Variants in VSIG10L observed in about 807,000 individuals in gnomAD.
VSIG10L encodes the protein V-set and immunoglobulin domain containing 10 like, also known as V-set and immunoglobulin domain-containing protein 10-like.
VSIG10L carries 63 observed loss-of-function variants against 67.3 expected under a neutral mutation model. That is an observed-to-expected ratio of 0.94 (90% CI 0.76 to 1.15). VSIG10L has a LOEUF of 1.15. Among genes scored for constraint, VSIG10L ranks in the 50% most tolerant of loss-of-function variants. VSIG10L has a pLI of 0.00. For synonymous variants in VSIG10L, 499 were observed against 524.9 expected (o/e 0.95, Z 0.67); for missense variants, 1,050 against 1,177.5 (o/e 0.89, Z 1.58).
In VSIG10L at chr19:51,337,229, C is replaced by A. The variant is rs1430954207; in HGVS notation, c.2305+9G>T. On this transcript the variant is annotated intron_variant, in intron 7 of 9. Coordinates refer to ENST00000335624, the MANE Select transcript of VSIG10L (RefSeq NM_001163922.3). ...ACAGAGAAGGTCTACTCTGACAGCC[C>A]CAACTCACCGGCCCGGTAGACCCGG... 3 of 1,541,214 alleles carry A rather than the reference C, an allele frequency of 1.9e-6. No homozygotes were observed. The highest frequency in any genetic ancestry group is 2.4e-5 in the South Asian group (2 of 83,156).
At chr19:51,337,092 T>C in intron 7 of VSIG10L, 146 bp downstream of exon 7, 1 of 1,117,326 alleles carries the variant, frequency 8.9e-7, no homozygotes. Flanking sequence ...ACTTCTGACC[T>C]CCAGACCTGT....
chr19:51,338,220 AG>A lies in VSIG10L; in HGVS notation c.1730-13del, dbSNP rs1466295928. On this transcript the variant is annotated splice_polypyrimidine_tract_variant and intron_variant, in intron 5 of 9. Transcript: ENST00000335624. ...CTCTCGGGGGGCCTCTGCCGGTGGG[AG>A]AAGTCCAGTTAAGAAAGTCAAGACC... 1.5e-5 allele frequency: 22 copies of A among 1,459,296 alleles called. No homozygotes were observed. The highest frequency in any genetic ancestry group is 5.6e-5 in the Admixed American group (2 of 35,486). 90.4% of individuals were successfully genotyped at this position (1,459,296 alleles called of 1,614,324 possible).
intron 7 of VSIG10L, among the ~76,000 whole-genome samples, chr19:51,336,763 ATT>A (rs942291893): frequency 8.2e-5 from 8 of 97,064 alleles, no homozygotes; most frequent in Non-Finnish European, 9.7e-5. Flanking sequence ...CGACACCTTG[ATT>A]TTTTTTTTTT....
chr19:51,336,924 G>A (rs1454638587), intron 7 of VSIG10L, among the ~76,000 whole-genome samples: 4 of 151,992 alleles, frequency 2.6e-5, no homozygotes, highest in South Asian at 4.2e-4. Context: ...CCGCCACCGC[G>A]CCAGGCTAAT....
chr19:51,340,191 C>G lies in VSIG10L; in HGVS notation c.1298G>C (p.Arg433Pro), dbSNP rs1053667707. 12 of 1,447,146 alleles carry G rather than the reference C, an allele frequency of 8.3e-6. No individual in the cohort carries two copies. In the African/African-American group the frequency reaches 1.6e-4, roughly 20 times the overall value. The allele number at this position is 1,447,146 out of a possible 1,614,324, so 89.6% of individuals were successfully genotyped here. The change falls in exon 4 of 10, where the codon CGG becomes CCG. Residue 433 changes from arginine (R) to proline (P), a missense_variant. Around this residue, in one of 3 missense-constraint regions of VSIG10L, gnomAD observed 10 missense variants for 34.7 expected, o/e 0.29. Coordinates refer to ENST00000335624, the MANE Select transcript of VSIG10L (RefSeq NM_001163922.3). The surrounding 1 kb of genome is among the most constrained non-coding windows in gnomAD (Gnocchi z 6.3). ...NVTLRCAAAS[R>P]PPADITWSLA... ...GCTCCACGTGATGTCGGCGGGCGGC[C>G]GCGAGGCGGCGGCGCAGCGCAAGGT...
At chr19:51,334,902 G>A (rs1162421915) in intron 7 of VSIG10L, among the ~76,000 whole-genome samples, 2 of 152,196 alleles carry the variant, frequency 1.3e-5, no homozygotes, top group Non-Finnish European at 2.9e-5. Flanking sequence ...TCGTGCCACT[G>A]CACTCCAGCC....
At position 51,339,061 on chromosome 19, in the gene VSIG10L, C is replaced by T. The variant is rs1985558563; in HGVS notation, c.1556G>A (p.Gly519Asp). The T allele has an allele frequency of 7.5e-6, 10 of 1,338,780 alleles. No homozygotes were observed. The highest frequency in any genetic ancestry group is 3.9e-5 in the Admixed American group (1 of 25,504). 82.9% of individuals were successfully genotyped at this position (1,338,780 alleles called of 1,614,324 possible). ...CTGCAGGGAGGCAGCAGGGGCCCCGCCGGGCCACGAGCAGCGGAAGCGGAG... is the reference window on the plus strand; with the variant it reads ...CTGCAGGGAGGCAGCAGGGGCCCCGTCGGGCCACGAGCAGCGGAAGCGGAG... ...RSLRFRCSWPGGAPAASLQFQ... is the reference protein window; with the variant it reads ...RSLRFRCSWPDGAPAASLQFQ... The change falls in exon 5 of 10, where the codon GGC (glycine) becomes GAC (aspartate). Residue 519 changes from glycine to aspartate, a missense_variant. Coordinates refer to ENST00000335624, the MANE Select transcript of VSIG10L (RefSeq NM_001163922.3).
chr19:51,338,302 A>G, intron 5 of VSIG10L, 94 bp from the exon 6 acceptor site: 4 of 1,374,956 alleles, frequency 2.9e-6, no homozygotes, highest in Non-Finnish European at 3.8e-6. Context: ...GATGGTGGTA[A>G]GCCCCCACGC....
intron 8 of VSIG10L, 33 bp from the exon 9 acceptor site, chr19:51,333,978 G>C: frequency 6.4e-7 from 1 of 1,550,538 alleles, no homozygotes; most frequent in Admixed American, 2.0e-5. Flanking sequence ...GCAGGAACAC[G>C]TGATTGGCTG....
rs1985560312 is a variant in VSIG10L at position 51,339,111 on chromosome 19, A to C, written c.1506T>G (p.Val502=). 1 of 1,338,442 alleles carries C rather than the reference A, an allele frequency of 7.5e-7. No individual in the cohort carries two copies. The highest frequency in any genetic ancestry group is 9.6e-7 in the Non-Finnish European group (1 of 1,037,648). 82.9% of individuals were successfully genotyped at this position (1,338,442 alleles called of 1,614,324 possible). A position where few individuals can be genotyped will look rare whatever the true frequency, so the allele number is the denominator to read the frequency against. Residue 502 remains valine, a synonymous_variant, in exon 5 of 10, where the codon GTT becomes GTG. Transcript: ENST00000335624. The part of the protein sequence containing the change: ...DLPPGAPQCS[V]EGGPGDRSLR... ...GGCTGCGGTCCCCGGGACCCCCTTC[A>C]ACTGAGCACTGTGGGGCCCCGGGGG...
At position 51,333,606 on chromosome 19, in the gene VSIG10L, A is replaced by G. The variant is rs375163395; in HGVS notation, c.2574+185T>C. On this transcript the variant is annotated intron_variant, in intron 9 of 9. Coordinates refer to ENST00000335624, the MANE Select transcript of VSIG10L (RefSeq NM_001163922.3). Reference sequence around the variant, plus strand: ...AACTGGAATTCACTCTTATTTTAATATACATCAAAGTTGGGCGGGAAGCTC... The same window carrying G: ...AACTGGAATTCACTCTTATTTTAATGTACATCAAAGTTGGGCGGGAAGCTC... 2.0e-5 allele frequency among the ~76,000 whole-genome samples: 3 copies of G among 152,314 alleles called. No individual in the cohort carries two copies. In the East Asian group the frequency reaches 5.8e-4, roughly 29 times the overall value.
intron 8 of VSIG10L, 61 bp downstream of exon 8, chr19:51,334,130 C>T: frequency 1.3e-6 from 2 of 1,527,418 alleles, no homozygotes; most frequent in Non-Finnish European, 1.8e-6. Context: ...CTTCCATAGG[C>T]CTCTTTCTAG....
intron 7 of VSIG10L, among the ~76,000 whole-genome samples, chr19:51,336,963 T>C (rs2123552273): frequency 6.6e-6 from 1 of 152,186 alleles, no homozygotes; most frequent in Non-Finnish European, 1.5e-5. Flanking sequence ...AGACGGGGTT[T>C]CACCGTGTGA....
intron 9 of VSIG10L, among the ~76,000 whole-genome samples, chr19:51,333,215 T>C (rs1035768350): frequency 6.6e-6 from 1 of 152,144 alleles, no homozygotes. Flanking sequence ...AAATGGGCCT[T>C]GCCCAATTTT....
Position 51,339,051 on chromosome 19 carries a change from AG to A in VSIG10L, c.1565del (p.Pro522LeufsTer166). On this transcript the variant is annotated frameshift_variant, in exon 5 of 10. Transcript: ENST00000335624. LOFTEE classifies it high-confidence loss of function. ...RFRCSWPGGA[P>X]AASLQFQGLP... is the part of the protein sequence containing the mutation. ...GACCCTGGAACTGCAGGGAGGCAGCAGGGGCCCCGCCGGGCCACGAGCAGCG... is the reference window on the plus strand; with the variant it reads ...GACCCTGGAACTGCAGGGAGGCAGCAGGGCCCCGCCGGGCCACGAGCAGCG... 7.4e-7 allele frequency: 1 copy of A among 1,344,346 alleles called. No individual in the cohort carries two copies. The highest frequency in any genetic ancestry group is 3.9e-5 in the Admixed American group (1 of 25,804). 83.3% of individuals were successfully genotyped at this position (1,344,346 alleles called of 1,614,324 possible). A position where few individuals can be genotyped will look rare whatever the true frequency, so the allele number is the denominator to read the frequency against.
intron 7 of VSIG10L, among the ~76,000 whole-genome samples, chr19:51,336,266 G>A (rs1985476062): frequency 6.6e-6 from 1 of 152,048 alleles, no homozygotes; most frequent in South Asian, 2.1e-4. Context: ...CTTAAAAGAA[G>A]AGGACAGAAG....
In VSIG10L at chr19:51,338,188, G is replaced by T; in HGVS notation, c.1750C>A (p.Leu584Met). ...VTPEAPREVL[L>M]HPLVAETRLG... is the part of the protein sequence containing the mutation. Reference sequence around the variant, plus strand: ...CGTGTCTCTGCCACCAGCGGATGCAGCAGCACCTCTCGGGGGGCCTCTGCC... The same window carrying T: ...CGTGTCTCTGCCACCAGCGGATGCATCAGCACCTCTCGGGGGGCCTCTGCC... Residue 584 changes from leucine to methionine, a missense_variant, in exon 6 of 10, where the codon CTG becomes ATG. Transcript: ENST00000335624. 6.7e-7 allele frequency: 1 copy of T among 1,488,600 alleles called. No individual in the cohort carries two copies. The highest frequency in any genetic ancestry group is 8.9e-7 in the Non-Finnish European group (1 of 1,117,356). The allele number at this position is 1,488,600 out of a possible 1,614,324, so 92.2% of individuals were successfully genotyped here.
In VSIG10L at chr19:51,334,280, A is replaced by T. The variant is rs543620710; in HGVS notation, c.2330T>A (p.Ile777Asn). The change falls in exon 8 of 10, where the codon ATC becomes AAC. Residue 777 changes from isoleucine (I) to asparagine (N), a missense_variant. Physicochemically the swap from Ile to Asn is moderately radical, Grantham distance 149. This residue lies in a region of VSIG10L where 529 missense variants were observed against 584.9 expected (regional missense o/e 0.90). Coordinates refer to ENST00000335624, the MANE Select transcript of VSIG10L (RefSeq NM_001163922.3). The part of the protein sequence containing the change: ...RAGPTLSHGA[I>N]AGIVLGSLLG... ...CAGGGAGCCCAGGACGATGCCAGCG[A>T]TGGCCCCATGGCTCAACGTGGGGCC... 5.2e-5 allele frequency: 81 copies of T among 1,551,618 alleles called. No homozygotes were observed. The East Asian group carries it at 1.3e-3, about 24-fold the overall frequency.
chr19:51,338,908 C>G lies in VSIG10L; in HGVS notation c.1709G>C (p.Arg570Pro). The G allele has an allele frequency of 6.9e-7, 1 of 1,440,096 alleles. No homozygotes were observed. Among genetic ancestry groups the G allele is most frequent in the Non-Finnish European group, 9.1e-7 (1 of 1,093,336 alleles). The allele number at this position is 1,440,096 out of a possible 1,614,324, so 89.2% of individuals were successfully genotyped here. The change falls in exon 5 of 10, where the codon CGT (arginine) becomes CCT (proline). Residue 570 changes from arginine to proline, a missense_variant. Arg to Pro is a moderately radical substitution (Grantham distance 103). Transcript: ENST00000335624. The part of the protein sequence containing the change: ...TCLARHLVAT[R>P]TCTVTPEAPR... ...CTCACCCGGCGTGACTGTGCAGGTA[C>G]GCGTGGCCACCAGGTGGCGAGCAAG...
Sources: gnomAD v4.1 joint callset for allele counts (sites outside exome capture counted in the v4.1 genomes callset) on GRCh38, gnomAD v4.1.1 for gene constraint, gnomAD v4.1.1 regional missense constraint, Gnocchi (gnomAD v3.1) non-coding constraint, MANE v1.5 for transcripts, NCBI Gene and HGNC (gene_info 2026-07-23, HGNC 2026-07-21) for gene names.